Variants in UMAD1 observed in about 807,000 individuals in gnomAD.
UMAD1 encodes UBAP1-MVB12-associated (UMA)-domain containing protein 1.
UMAD1 carries 8 observed loss-of-function variants against 6.1 expected under a neutral mutation model. The observed-to-expected ratio is 1.30, with a 90% CI of 0.76 to 2.35. UMAD1 has a LOEUF of 2.35. Among genes scored for constraint, UMAD1 ranks in the 30% most tolerant of loss-of-function variants. UMAD1 has a pLI of 0.00. For missense variants in UMAD1, 130 were observed against 78.4 expected, an observed-to-expected ratio of 1.66 and a Z score of -2.49; for synonymous variants, 56 against 31.4, an observed-to-expected ratio of 1.78 and a Z score of -2.61.
intron 2 of UMAD1, among the ~76,000 whole-genome samples, chr7:7,762,825 C>G (rs1418759997): frequency 2.0e-5 from 3 of 151,968 alleles, no homozygotes; most frequent in Admixed American, 2.0e-4. Flanking sequence ...TTGTTTTCGT[C>G]GAAGGCTTCA....
At chr7:7,756,539 C>A (rs917938) in intron 2 of UMAD1, among the ~76,000 whole-genome samples, 1 of 152,096 alleles carries the variant, frequency 6.6e-6, no homozygotes, top group Non-Finnish European at 1.5e-5. Flanking sequence ...ACCAGCCGCC[C>A]CTTTCTGGTG....
intron 3 of UMAD1, among the ~76,000 whole-genome samples, chr7:7,856,915 A>G (rs562260233): frequency 2.0e-5 from 3 of 152,154 alleles, no homozygotes; most frequent in South Asian, 2.1e-4. Flanking sequence ...AATAGTTTTT[A>G]TGTTTCCTTC....
At position 7,693,987 on chromosome 7, in the gene UMAD1, C is replaced by A. The variant is rs773425134; in HGVS notation, c.82+20534C>A. ...TTTGTTGCCATTATTGTCAGTTGTT[C>A]TGGAATACTAATGCTTTGTTGATAT... On this transcript the variant is annotated intron_variant, in intron 2 of 3. Transcript: ENST00000682710. 3.5e-4 allele frequency among the ~76,000 whole-genome samples: 53 copies of A among 152,032 alleles called. 1 individual carries two copies. Among genetic ancestry groups the A allele is most frequent in the Non-Finnish European group, 7.4e-5 (5 of 67,992 alleles).
intron 1 of UMAD1, among the ~76,000 whole-genome samples, chr7:7,646,116 T>C (rs772367517): frequency 4.6e-5 from 7 of 152,236 alleles, no homozygotes; most frequent in African/African-American, 7.2e-5. Context: ...CGTCTGGGAA[T>C]GGCTTAAGTG....
chr7:7,843,998 A>G (rs1016760851), intron 3 of UMAD1, among the ~76,000 whole-genome samples: 3 of 152,220 alleles, frequency 2.0e-5, no homozygotes, highest in Non-Finnish European at 4.4e-5. Context: ...TTGGTTTATG[A>G]CAAAGTGTTC....
At chr7:7,789,617 T>TCC (rs201727587) in intron 2 of UMAD1, among the ~76,000 whole-genome samples, 1,363 of 100,716 alleles carry the variant, frequency 0.014, 36 homozygotes, top group African/African-American at 0.047. Context: ...AAATACCCCT[T>TCC]CTCCCCTCCC....
At chr7:7,795,573 G>T (rs1446438831) in intron 2 of UMAD1, among the ~76,000 whole-genome samples, 1 of 152,242 alleles carries the variant, frequency 6.6e-6, no homozygotes, top group Non-Finnish European at 1.5e-5. Flanking sequence ...CAGAGCAGCT[G>T]CGAGGGCTGC....
intron 3 of UMAD1, among the ~76,000 whole-genome samples, chr7:7,851,022 C>A (rs1396864950): frequency 6.6e-6 from 1 of 151,996 alleles, no homozygotes; most frequent in African/African-American, 2.4e-5. Context: ...TAACTTATGA[C>A]CAGTATATAT....
intron 1 of UMAD1, among the ~76,000 whole-genome samples, chr7:7,641,350 C>G (rs149348069): frequency 3.3e-5 from 5 of 152,272 alleles, no homozygotes; most frequent in Non-Finnish European, 7.4e-5. Flanking sequence ...GGGAGACAAG[C>G]TTAAATCGTT....
intron 2 of UMAD1, among the ~76,000 whole-genome samples, chr7:7,789,166 A>G (rs1258760794): frequency 6.6e-6 from 1 of 152,152 alleles, no homozygotes; most frequent in Non-Finnish European, 1.5e-5. Flanking sequence ...GACACTGGTT[A>G]TTATTTTTTT....
intron 3 of UMAD1, among the ~76,000 whole-genome samples, chr7:7,831,653 T>A: frequency 6.6e-6 from 1 of 152,188 alleles, no homozygotes; most frequent in East Asian, 1.9e-4. Flanking sequence ...CTGATTCCCT[T>A]TGTGGCTTTT....
intron 3 of UMAD1, among the ~76,000 whole-genome samples, chr7:7,839,054 T>C (rs1008438624): frequency 6.6e-6 from 1 of 152,200 alleles, no homozygotes; most frequent in African/African-American, 2.4e-5. Flanking sequence ...TTCCTGGTAA[T>C]GTTCTGTTCC....
chr7:7,756,201 G>A (rs1048338738), intron 2 of UMAD1, among the ~76,000 whole-genome samples: 2 of 152,142 alleles, frequency 1.3e-5, no homozygotes, highest in Non-Finnish European at 2.9e-5. Flanking sequence ...GGAAGATCAG[G>A]CAAGTAACCA....
intron 2 of UMAD1, chr7:7,675,997 A>G (rs549854822): frequency 5.1e-6 from 2 of 394,920 alleles, no homozygotes; most frequent in Non-Finnish European, 8.9e-6. Context: ...GGGTACCATT[A>G]CTCTCCTGAA....
In UMAD1 at chr7:7,670,795, A is replaced by C. The variant is rs536926502; in HGVS notation, c.-63-2514A>C. Among the ~76,000 whole-genome samples the C allele has an allele frequency of 3.6e-4, 55 of 152,290 alleles. No homozygotes were observed. In the Middle Eastern group the frequency reaches 0.01, roughly 28 times the overall value. Reference sequence around the variant, plus strand: ...ATTGCCAAAACCACTCCCATTTACAAAGGCGAACAAAGGGAGAGAGAGAAC... The same window carrying C: ...ATTGCCAAAACCACTCCCATTTACACAGGCGAACAAAGGGAGAGAGAGAAC... On this transcript the variant is annotated intron_variant, in intron 1 of 3. Transcript: ENST00000682710.
chr7:7,677,882 C>T (rs1365529558), intron 2 of UMAD1, among the ~76,000 whole-genome samples: 2 of 151,190 alleles, frequency 1.3e-5, no homozygotes, highest in Non-Finnish European at 2.9e-5. Flanking sequence ...ACCGTTTTAG[C>T]CGGGATGGTC....
chr7:7,870,554 A>G (rs1478893646), intron 3 of UMAD1, among the ~76,000 whole-genome samples: 1 of 152,194 alleles, frequency 6.6e-6, no homozygotes, highest in East Asian at 1.9e-4. Flanking sequence ...CTTTGTGTCT[A>G]AGAGAAAGCT....
chr7:7,722,954 C>T (rs2115185012), intron 2 of UMAD1, among the ~76,000 whole-genome samples: 1 of 152,314 alleles, frequency 6.6e-6, no homozygotes, highest in East Asian at 1.9e-4. Flanking sequence ...TGGCAACATT[C>T]CCTCTCCAAC....
chr7:7,841,375 C>A (rs1783678850), intron 3 of UMAD1, among the ~76,000 whole-genome samples: 1 of 150,006 alleles, frequency 6.7e-6, no homozygotes, highest in South Asian at 2.1e-4. Flanking sequence ...AGTGCAATGG[C>A]ACGATCATGG....
Sources: allele counts gnomAD v4.1 joint callset (sites outside exome capture counted in the v4.1 genomes callset), GRCh38; gene constraint gnomAD v4.1.1; transcripts MANE v1.5; gene names NCBI Gene and HGNC (gene_info 2026-07-23, HGNC 2026-07-21).